PPP2R5E: variants seen among roughly 807,000 people sequenced by gnomAD.
PPP2R5E encodes the protein serine/threonine-protein phosphatase 2A 56 kDa regulatory subunit epsilon isoform.
In PPP2R5E, 4 loss-of-function variants were observed where a neutral mutation model predicts 65.3. That is an observed-to-expected ratio of 0.06 (90% confidence interval 0.03 to 0.14). The LOEUF (loss-of-function observed/expected upper bound fraction) is 0.14. Among genes scored for constraint, PPP2R5E ranks in the 10% least tolerant of loss-of-function variants. PPP2R5E has a pLI of 1.00. For missense variants in PPP2R5E, 274 were observed against 556.1 expected (o/e 0.49, Z 5.10); for synonymous variants, 183 against 187.4 (o/e 0.98, Z 0.19).
intron 11 of PPP2R5E, 118 bp from the exon 12 acceptor site, chr14:63,384,689 G>A (rs932680802): frequency 1.8e-5 from 14 of 783,676 alleles, no homozygotes; most frequent in Non-Finnish European, 2.5e-5. Context: ...TTCAATTAGA[G>A]GTAAAATTAA....
At chr14:63,439,688 T>C (rs181623724) in intron 3 of PPP2R5E, among the ~76,000 whole-genome samples, 170 of 152,324 alleles carry the variant, frequency 1.1e-3, no homozygotes, top group African/African-American at 3.9e-3. Context: ...TCTGGTCTGT[T>C]TGTCTATGCC....
rs1299625990 is a variant in PPP2R5E at position 63,395,299 on chromosome 14, A to G, written c.681-14T>C. On this transcript the variant is annotated splice_polypyrimidine_tract_variant and intron_variant, in intron 6 of 13. Transcript: ENST00000337537. Reference sequence around the variant, plus strand: ...TCATAAACAAACCTGAGAGAAGAGGAGAAAAGGGAGGAGAAAGGAGGAGAG... The same window carrying G: ...TCATAAACAAACCTGAGAGAAGAGGGGAAAAGGGAGGAGAAAGGAGGAGAG... The G allele has an allele frequency of 3.2e-6, 5 of 1,575,538 alleles. No individual in the cohort carries two copies. In the Admixed American group the frequency reaches 8.4e-5, roughly 26 times the overall value.
At chr14:63,489,410 T>C (rs1162775283) in intron 2 of PPP2R5E, among the ~76,000 whole-genome samples, 1 of 105,782 alleles carries the variant, frequency 9.5e-6, no homozygotes, top group East Asian at 3.1e-4. Context: ...TTGTTGTTGT[T>C]GTTTTCTTTT....
chr14:63,486,036 G>T (rs1890977894), intron 2 of PPP2R5E, among the ~76,000 whole-genome samples: 1 of 151,530 alleles, frequency 6.6e-6, no homozygotes, highest in Non-Finnish European at 1.5e-5. Flanking sequence ...CACCATGTTG[G>T]CCAGGCTGGT....
intron 3 of PPP2R5E, among the ~76,000 whole-genome samples, chr14:63,437,291 G>A (rs1887993298): frequency 6.6e-6 from 1 of 152,066 alleles, no homozygotes; most frequent in African/African-American, 2.4e-5. Context: ...CATAAAAATG[G>A]ATGACTATTT....
chr14:63,527,446 A>G (rs781237790), intron 2 of PPP2R5E, among the ~76,000 whole-genome samples: 94 of 152,370 alleles, frequency 6.2e-4, no homozygotes, highest in Non-Finnish European at 1.1e-3. Context: ...AGGAACAAAA[A>G]TCAACTAAAA....
At chr14:63,404,525 A>G (rs1885957427) in intron 5 of PPP2R5E, among the ~76,000 whole-genome samples, 1 of 152,204 alleles carries the variant, frequency 6.6e-6, no homozygotes, top group African/African-American at 2.4e-5. Context: ...GTGAATCAGA[A>G]CGACTCAAGG....
intron 2 of PPP2R5E, among the ~76,000 whole-genome samples, chr14:63,462,577 G>A (rs545594186): frequency 1.2e-4 from 19 of 152,004 alleles, no homozygotes; most frequent in Admixed American, 3.3e-4. Flanking sequence ...TAAACTGTTC[G>A]TATCAGAAGT....
At chr14:63,524,842 C>G (rs1893112466) in intron 2 of PPP2R5E, among the ~76,000 whole-genome samples, 1 of 152,208 alleles carries the variant, frequency 6.6e-6, no homozygotes, top group African/African-American at 2.4e-5. Context: ...TTCTTCTCTT[C>G]TCTGCTTTGC....
At chr14:63,442,727 T>C (rs1180867527) in intron 3 of PPP2R5E, among the ~76,000 whole-genome samples, 6 of 152,212 alleles carry the variant, frequency 3.9e-5, no homozygotes, top group African/African-American at 1.4e-4. Flanking sequence ...TATATATGTA[T>C]AGGGGAAAAC....
intron 5 of PPP2R5E, among the ~76,000 whole-genome samples, chr14:63,410,870 T>G (rs1260863380): frequency 6.6e-6 from 1 of 152,160 alleles, no homozygotes; most frequent in East Asian, 1.9e-4. Flanking sequence ...ATTCAGGAAC[T>G]GGGGTGAGCC....
chr14:63,519,499 C>A (rs1231273974), intron 2 of PPP2R5E, among the ~76,000 whole-genome samples: 1 of 143,626 alleles, frequency 7.0e-6, no homozygotes, highest in Non-Finnish European at 1.5e-5. Flanking sequence ...CACCACCATG[C>A]CCAGCTAATT....
chr14:63,463,524 C>T (rs111742536), intron 2 of PPP2R5E, among the ~76,000 whole-genome samples: 13,849 of 151,994 alleles, frequency 0.091, 870 homozygotes, highest in Non-Finnish European at 0.14. Context: ...TTCCTCAGTT[C>T]CCTGAACTAT....
At chr14:63,467,247 A>AAAAAC (rs1566724771) in intron 2 of PPP2R5E, among the ~76,000 whole-genome samples, 3 of 150,518 alleles carry the variant, frequency 2.0e-5, no homozygotes, top group Non-Finnish European at 2.9e-5. Context: ...AACAAACAAA[A>AAAAAC]AAAACACTAT....
chr14:63,520,579 T>G (rs1238262590), intron 2 of PPP2R5E, among the ~76,000 whole-genome samples: 1 of 152,122 alleles, frequency 6.6e-6, no homozygotes, highest in Non-Finnish European at 1.5e-5. Context: ...AGAAATGTGT[T>G]GAATGAATGA....
intron 3 of PPP2R5E, among the ~76,000 whole-genome samples, chr14:63,448,005 T>C (rs576823895): frequency 3.9e-5 from 6 of 152,296 alleles, no homozygotes; most frequent in South Asian, 2.1e-4. Flanking sequence ...GCAATTAAAA[T>C]AGTAACTTCA....
chr14:63,391,311 C>A (rs564127247), intron 10 of PPP2R5E, among the ~76,000 whole-genome samples: 1 of 152,334 alleles, frequency 6.6e-6, no homozygotes, highest in African/African-American at 2.4e-5. Context: ...TATTTAACCT[C>A]TCTACAGTTT....
At chr14:63,471,038 A>T (rs1160845947) in intron 2 of PPP2R5E, among the ~76,000 whole-genome samples, 1 of 152,192 alleles carries the variant, frequency 6.6e-6, no homozygotes. Context: ...AAAAAAGCCA[A>T]GTGGGGCAAG....
At chr14:63,520,968 G>C (rs573441740) in intron 2 of PPP2R5E, among the ~76,000 whole-genome samples, 2 of 151,940 alleles carry the variant, frequency 1.3e-5, no homozygotes, top group South Asian at 4.2e-4. Context: ...GAACCAGGGA[G>C]GTAGAGCTTG....
Sources: gnomAD v4.1 joint callset for allele counts (sites outside exome capture counted in the v4.1 genomes callset) on GRCh38, gnomAD v4.1.1 for gene constraint, MANE v1.5 for transcripts, NCBI Gene and HGNC (gene_info 2026-07-23, HGNC 2026-07-21) for gene names.